Variants in DDAH1 observed in about 807,000 individuals in gnomAD.
DDAH1 encodes the protein N(G),N(G)-dimethylarginine dimethylaminohydrolase 1.
In DDAH1, 19 loss-of-function variants were observed where a neutral mutation model predicts 28.8. That is an observed-to-expected ratio of 0.66 (90% CI 0.46 to 0.97). The LOEUF is 0.97. Ranked by LOEUF, DDAH1 falls within the 50% of genes least tolerant of loss-of-function variation. The pLI is 0.00. For missense variants in DDAH1, 326 were observed against 375.9 expected (o/e 0.87, Z 1.10); for synonymous variants, 153 against 154.4 (o/e 0.99, Z 0.07).
intron 2 of DDAH1, among the ~76,000 whole-genome samples, chr1:85,480,852 C>T (rs973992726): frequency 6.6e-6 from 1 of 151,638 alleles, no homozygotes; most frequent in Non-Finnish European, 1.5e-5. Flanking sequence ...AAGGTATATC[C>T]ATACCTGTGG....
chr1:85,422,875 C>G (rs1163805194), intron 1 of DDAH1, among the ~76,000 whole-genome samples: 1 of 152,116 alleles, frequency 6.6e-6, no homozygotes, highest in Non-Finnish European at 1.5e-5. Flanking sequence ...GCCATATGAG[C>G]GCGCAGCAAG....
intron 1 of DDAH1, among the ~76,000 whole-genome samples, chr1:85,504,660 A>G (rs943241915): frequency 2.0e-5 from 3 of 152,188 alleles, no homozygotes; most frequent in Admixed American, 2.0e-4. Flanking sequence ...GACAGTGATT[A>G]TCATCCTCCT....
chr1:85,461,465 GA>G (rs1308986198), intron 1 of DDAH1, among the ~76,000 whole-genome samples: 1 of 152,066 alleles, frequency 6.6e-6, no homozygotes, highest in Non-Finnish European at 1.5e-5. Context: ...AATTTCTCAA[GA>G]TTTTTATAAA....
intron 2 of DDAH1, among the ~76,000 whole-genome samples, chr1:85,357,959 T>C (rs1256220467): frequency 6.6e-6 from 1 of 152,254 alleles, no homozygotes; most frequent in Non-Finnish European, 1.5e-5. Context: ...TGTTGAGTTC[T>C]GCTATTATCC....
chr1:85,482,749 T>C (rs1228250135), intron 2 of DDAH1, among the ~76,000 whole-genome samples: 1 of 152,216 alleles, frequency 6.6e-6, no homozygotes, highest in Non-Finnish European at 1.5e-5. Flanking sequence ...TTTCTTCCAA[T>C]TATAAAAATT....
rs1439025220 is a variant in DDAH1 at position 85,465,057 on chromosome 1, G to A, written c.-12C>T. ...CCGAGCCCGGCCATGGCTTCGGGAGGCTTAGGGGCGGCGGCGGCGGCGGAG... is the reference window on the plus strand; with the variant it reads ...CCGAGCCCGGCCATGGCTTCGGGAGACTTAGGGGCGGCGGCGGCGGCGGAG... On this transcript the variant is annotated 5_prime_UTR_variant, in exon 1 of 6. Transcript: ENST00000284031. 2.4e-6 allele frequency: 3 copies of A among 1,238,476 alleles called. No individual in the cohort carries two copies. The East Asian group carries it at 9.6e-5, about 40-fold the overall frequency. 76.7% of individuals were successfully genotyped at this position (1,238,476 alleles called of 1,614,324 possible).
rs1659612961 is a variant in DDAH1, at chr1:85,576,608, C to CCA, written c.-123+1374_-123+1375dup. On this transcript the variant is annotated intron_variant, in intron 1 of 6. Transcript: ENST00000426972. ...CGCCATCCTCCGAACATCCCCCCGC[C>CCA]CACACACACACATACACACACAGCC... is the stretch of plus-strand genomic sequence containing the variant. 8.5e-5 allele frequency: 13 copies of CCA among 152,388 alleles called. No individual in the cohort carries two copies. In the South Asian group the frequency reaches 1.9e-3, roughly 22 times the overall value. 9.4% of individuals were successfully genotyped at this position (152,388 alleles called of 1,614,324 possible).
chr1:85,424,682 G>A (rs745968979), intron 1 of DDAH1, among the ~76,000 whole-genome samples: 2 of 151,888 alleles, frequency 1.3e-5, no homozygotes, highest in African/African-American at 4.8e-5. Flanking sequence ...ATTTTCCTGA[G>A]TTCCCTAAGG....
intron 1 of DDAH1, among the ~76,000 whole-genome samples, chr1:85,503,586 CA>C (rs1054453372): frequency 6.8e-6 from 1 of 146,322 alleles, no homozygotes; most frequent in Non-Finnish European, 1.5e-5. Context: ...TCTATCCATC[CA>C]TCTATCTATC....
intron 2 of DDAH1, among the ~76,000 whole-genome samples, chr1:85,478,501 T>C (rs1655880898): frequency 6.6e-6 from 1 of 152,158 alleles, no homozygotes; most frequent in Non-Finnish European, 1.5e-5. Flanking sequence ...CAAGAGAGCT[T>C]GTGCAGGGGA....
At chr1:85,520,808 G>C (rs2100762407) in intron 1 of DDAH1, among the ~76,000 whole-genome samples, 1 of 152,292 alleles carries the variant, frequency 6.6e-6, no homozygotes, top group East Asian at 1.9e-4. Flanking sequence ...GCAGATACAG[G>C]AATTTTATGG....
At chr1:85,369,484 T>C (rs1650261252) in intron 1 of DDAH1, among the ~76,000 whole-genome samples, 2 of 152,158 alleles carry the variant, frequency 1.3e-5, no homozygotes, top group Admixed American at 1.3e-4. Flanking sequence ...TCTTACGACA[T>C]TTCAAGGGTG....
chr1:85,358,667 AC>A (rs1249880196), intron 2 of DDAH1, 80 bp downstream of exon 2: 7 of 1,138,912 alleles, frequency 6.1e-6, no homozygotes, highest in African/African-American at 4.8e-5. Context: ...ACAAAAAAAC[AC>A]AAAAAACTAT....
chr1:85,433,309 G>A (rs1158542362), intron 1 of DDAH1, among the ~76,000 whole-genome samples: 1 of 152,082 alleles, frequency 6.6e-6, no homozygotes, highest in African/African-American at 2.4e-5. Context: ...AGGGGTTTGA[G>A]CTTGGCAGGG....
chr1:85,384,172 CG>C (rs1651137205), intron 1 of DDAH1, among the ~76,000 whole-genome samples: 1 of 152,258 alleles, frequency 6.6e-6, no homozygotes, highest in South Asian at 2.1e-4. Flanking sequence ...CTCATTTCTG[CG>C]TGAGTTCTGG....
At chr1:85,331,810 G>C (rs1319007625) in intron 4 of DDAH1, among the ~76,000 whole-genome samples, 1 of 152,174 alleles carries the variant, frequency 6.6e-6, no homozygotes, top group Non-Finnish European at 1.5e-5. Flanking sequence ...AGCCAAAATA[G>C]CAAGTAGATA....
chr1:85,555,713 A>C (rs1487990835), intron 1 of DDAH1, among the ~76,000 whole-genome samples: 1 of 152,204 alleles, frequency 6.6e-6, no homozygotes, highest in Non-Finnish European at 1.5e-5. Context: ...AACACTCACA[A>C]TTAATCATCA....
chr1:85,475,820 G>A (rs1020282205), intron 2 of DDAH1, among the ~76,000 whole-genome samples: 5 of 152,204 alleles, frequency 3.3e-5, no homozygotes, highest in African/African-American at 1.2e-4. Flanking sequence ...TACCTCTGAG[G>A]TGGTTGGGTT....
intron 1 of DDAH1, chr1:85,521,741 A>G: frequency 1.5e-6 from 1 of 648,446 alleles, no homozygotes; most frequent in Non-Finnish European, 1.9e-6. Flanking sequence ...CGCAGTGCCC[A>G]CTCCTACCCC....
Sources: gnomAD v4.1 joint callset for allele counts (sites outside exome capture counted in the v4.1 genomes callset) on GRCh38, gnomAD v4.1.1 for gene constraint, MANE v1.5 for transcripts, NCBI Gene and HGNC (gene_info 2026-07-23, HGNC 2026-07-21) for gene names.